KPNA4: variants seen among roughly 807,000 people sequenced by gnomAD.
KPNA4 encodes the protein karyopherin subunit alpha 4.
KPNA4 carries 13 observed loss-of-function variants against 71.3 expected under a neutral mutation model. That is an observed-to-expected ratio of 0.18 (90% confidence interval 0.12 to 0.29). The LOEUF is 0.29. Ranked by LOEUF, KPNA4 falls within the 10% of genes least tolerant of loss-of-function variation. The pLI is 1.00. For synonymous variants in KPNA4, 189 were observed against 195.2 expected (o/e 0.97, Z 0.26); for missense variants, 334 against 603.2 (o/e 0.55, Z 4.67).
At chr3:160,539,890 T>C (rs1721763397) in intron 1 of KPNA4, among the ~76,000 whole-genome samples, 1 of 152,112 alleles carries the variant, frequency 6.6e-6, no homozygotes, top group Non-Finnish European at 1.5e-5. Context: ...AACAACTACA[T>C]ACTGCATATT....
rs546130874 is a variant in KPNA4, at chr3:160,499,630, A to T, written c.*2474T>A. 6.6e-6 allele frequency: 1 copy of T among 152,334 alleles called. No homozygotes were observed. The highest frequency in any genetic ancestry group is 1.9e-4 in the East Asian group (1 of 5,188). 9.4% of individuals were successfully genotyped at this position (152,334 alleles called of 1,614,324 possible). On this transcript the variant is annotated 3_prime_UTR_variant, in exon 17 of 17. Transcript: ENST00000334256. ...GGCTATAGATGGAAATAAAATATTT[A>T]AACGATAAGGTAGTCCTTATACCCA...
intron 1 of KPNA4, 117 bp downstream of exon 1, chr3:160,565,097 C>A: frequency 2.4e-6 from 2 of 816,436 alleles, no homozygotes; most frequent in Non-Finnish European, 2.0e-6. Flanking sequence ...CGGCCCCTAG[C>A]GCCATTCCCC....
In KPNA4 at chr3:160,565,520, G is replaced by C; in HGVS notation, c.-238C>G. 5.5e-6 allele frequency: 3 copies of C among 543,144 alleles called. No individual in the cohort carries two copies. The highest frequency in any genetic ancestry group is 4.6e-5 in the South Asian group (2 of 43,012). The allele number at this position is 543,144 out of a possible 1,614,324, so 33.6% of individuals were successfully genotyped here. On this transcript the variant is annotated 5_prime_UTR_variant, in exon 1 of 17. Transcript: ENST00000334256. ...AAAGACAACTGTGGGGCCGGGCGGC[G>C]GCAAGGCGACGGAATGTGCTGCCGG...
intron 1 of KPNA4, among the ~76,000 whole-genome samples, chr3:160,549,761 C>A (rs935628889): frequency 1.3e-5 from 2 of 152,114 alleles, no homozygotes; most frequent in Non-Finnish European, 2.9e-5. Flanking sequence ...CTTGTGGTAC[C>A]TTATGAAGAC....
chr3:160,517,645 A>G (rs1034656435), intron 11 of KPNA4, among the ~76,000 whole-genome samples: 2 of 152,046 alleles, frequency 1.3e-5, no homozygotes, highest in Non-Finnish European at 2.9e-5. Flanking sequence ...CTTCCTAACT[A>G]TAGCCATCCT....
intron 10 of KPNA4, among the ~76,000 whole-genome samples, chr3:160,522,648 C>T (rs542641086): frequency 4.6e-5 from 7 of 152,226 alleles, no homozygotes; most frequent in African/African-American, 1.7e-4. Context: ...TCAGTAGAGA[C>T]GGGGTTTCAC....
intron 13 of KPNA4, among the ~76,000 whole-genome samples, chr3:160,512,422 C>CT (rs1396214478): frequency 6.6e-6 from 1 of 151,900 alleles, no homozygotes; most frequent in Non-Finnish European, 1.5e-5. Flanking sequence ...CCAAATGACA[C>CT]TAAAAAAAAA....
intron 12 of KPNA4, 56 bp downstream of exon 12, chr3:160,515,396 T>A (rs1448741351): frequency 1.4e-6 from 2 of 1,430,886 alleles, no homozygotes; most frequent in Admixed American, 2.1e-5. Context: ...ATTTTACAAA[T>A]AGAAACTGTT....
chr3:160,553,593 T>C (rs144685432), intron 1 of KPNA4, among the ~76,000 whole-genome samples: 23 of 152,298 alleles, frequency 1.5e-4, no homozygotes, highest in African/African-American at 4.8e-4. Flanking sequence ...CATCCCTACT[T>C]GACCTAGTCT....
rs1720756087 is a variant in KPNA4, at chr3:160,496,074, G to C, written c.*6030C>G. ...AGGCCAAGGAGGGTGGATCATCTGA[G>C]GTCAGGAGTTCGAGACCAGCCTGGC... On this transcript the variant is annotated 3_prime_UTR_variant, in exon 17 of 17. Transcript: ENST00000334256. The C allele has an allele frequency of 6.6e-6, 1 of 152,150 alleles. No individual in the cohort carries two copies. The highest frequency in any genetic ancestry group is 2.4e-5 in the African/African-American group (1 of 41,408). The allele number at this position is 152,150 out of a possible 1,614,324, so 9.4% of individuals were successfully genotyped here.
chr3:160,515,618 C>CT (rs112603907), intron 11 of KPNA4, 38 bp from the exon 12 acceptor site: 146,308 of 1,393,696 alleles, frequency 0.1, 335 homozygotes, highest in Non-Finnish European at 0.12. Context: ...ATGTGAAATC[C>CT]TTTTTTTTTT....
chr3:160,559,273 T>G (rs968048571), intron 1 of KPNA4, among the ~76,000 whole-genome samples: 1 of 152,004 alleles, frequency 6.6e-6, no homozygotes, highest in Non-Finnish European at 1.5e-5. Flanking sequence ...CCCAGAGGCA[T>G]GGTAAAAAAA....
rs150355765 is a variant in KPNA4, at chr3:160,540,081, C to T, written c.70-3241G>A. Among the ~76,000 whole-genome samples the T allele has an allele frequency of 6.4e-3, 947 of 147,960 alleles. 11 individuals are homozygous for T. Among genetic ancestry groups the T allele is most frequent in the African/African-American group, 0.022 (880 of 40,182 alleles). On this transcript the variant is annotated intron_variant, in intron 1 of 16. Coordinates refer to ENST00000334256, the MANE Select transcript of KPNA4 (RefSeq NM_002268.5). ...GTAACGGGATCTCGGCTCACTGCAA[C>T]CTCCGCCTCCTGGGTTCAAGCAATT...
chr3:160,516,458 A>G (rs2108546783), intron 11 of KPNA4, among the ~76,000 whole-genome samples: 1 of 151,932 alleles, frequency 6.6e-6, no homozygotes, highest in Admixed American at 6.5e-5. Context: ...AAAAAAAGAC[A>G]GAACTTTAGA....
chr3:160,504,578 C>A (rs924705291), intron 16 of KPNA4, among the ~76,000 whole-genome samples: 2 of 152,088 alleles, frequency 1.3e-5, no homozygotes, highest in Admixed American at 1.3e-4. Context: ...ACAGTGACAA[C>A]CCATCAAGTG....
chr3:160,548,522 T>C (rs1721974171), intron 1 of KPNA4, among the ~76,000 whole-genome samples: 1 of 152,144 alleles, frequency 6.6e-6, no homozygotes, highest in Non-Finnish European at 1.5e-5. Flanking sequence ...TTGCCTATTC[T>C]AGGTACCTTG....
intron 13 of KPNA4, among the ~76,000 whole-genome samples, chr3:160,513,647 T>C (rs576494877): frequency 2.6e-4 from 40 of 152,330 alleles, no homozygotes; most frequent in Non-Finnish European, 5.3e-4. Flanking sequence ...AGCATACTTA[T>C]TTGCTATTTG....
At chr3:160,562,010 C>A (rs1722254020) in intron 1 of KPNA4, among the ~76,000 whole-genome samples, 1 of 152,154 alleles carries the variant, frequency 6.6e-6, no homozygotes, top group African/African-American at 2.4e-5. Flanking sequence ...CAAGGTCATA[C>A]ACAAAGTTAG....
chr3:160,511,989 T>C (rs1721105151), intron 13 of KPNA4, among the ~76,000 whole-genome samples: 1 of 152,194 alleles, frequency 6.6e-6, no homozygotes, highest in Non-Finnish European at 1.5e-5. Flanking sequence ...TAATATTTAA[T>C]AGCTCCCTTT....
Sources: gnomAD v4.1 joint callset for allele counts (sites outside exome capture counted in the v4.1 genomes callset) on GRCh38, gnomAD v4.1.1 for gene constraint, MANE v1.5 for transcripts, NCBI Gene and HGNC (gene_info 2026-07-23, HGNC 2026-07-21) for gene names.